The following TAF1A variants were observed in gnomAD, a reference collection of about 807,000 sequenced individuals.
The protein encoded by TAF1A is TATA-box binding protein associated factor, RNA polymerase I subunit A.
Under a neutral mutation model 61.6 loss-of-function variants are expected in TAF1A, and 42 were observed. That is an observed-to-expected ratio of 0.68 (90% CI 0.53 to 0.88). The LOEUF (loss-of-function observed/expected upper bound fraction) is 0.88, where lower values mean the gene tolerates loss of function less well. TAF1A is among the 40% of genes least tolerant of loss of function. The pLI is 0.00. For missense variants in TAF1A, 424 were observed against 518.7 expected (o/e 0.82, Z 1.77); for synonymous variants, 179 against 177.7 (o/e 1.01, Z -0.06).
intron 8 of TAF1A, 35 bp from the exon 9 acceptor site, chr1:222,563,331 G>A: frequency 6.3e-7 from 1 of 1,598,826 alleles, no homozygotes; most frequent in Non-Finnish European, 8.5e-7. Context: ...TTTACATAAG[G>A]TATTAAAGTG....
At chr1:222,586,115 C>T (rs1379907553) in intron 2 of TAF1A, among the ~76,000 whole-genome samples, 3 of 152,114 alleles carry the variant, frequency 2.0e-5, no homozygotes, top group Non-Finnish European at 2.9e-5. Context: ...GGGGACCTGC[C>T]CTTGCTACTC....
chr1:222,577,005 G>C (rs1660597847), intron 5 of TAF1A, among the ~76,000 whole-genome samples: 1 of 152,138 alleles, frequency 6.6e-6, no homozygotes, highest in Non-Finnish European at 1.5e-5. Flanking sequence ...AGCCCCTCTT[G>C]AAATGTTTGC....
At chr1:222,557,361 C>T (rs1231049188), downstream of TAF1A, among the ~76,000 whole-genome samples, 1 of 152,138 alleles carries the variant, frequency 6.6e-6, no homozygotes, top group Admixed American at 6.5e-5. Flanking sequence ...TACTGTGTGA[C>T]TCAGGGACAC....
At chr1:222,578,836 T>C (rs1660675213) in intron 4 of TAF1A, among the ~76,000 whole-genome samples, 1 of 152,220 alleles carries the variant, frequency 6.6e-6, no homozygotes, top group Non-Finnish European at 1.5e-5. Flanking sequence ...TAAGTGTTTT[T>C]AAAATTATTA....
At chr1:222,570,485 T>C (rs373757839) in intron 6 of TAF1A, 50 bp downstream of exon 6, 53 of 1,535,114 alleles carry the variant, frequency 3.5e-5, no homozygotes, top group Middle Eastern at 1.8e-4. Flanking sequence ...AGTCTTTGTA[T>C]AGGCTTTTGA....
intron 2 of TAF1A, among the ~76,000 whole-genome samples, 164 bp from the exon 3 acceptor site, chr1:222,584,461 C>A (rs1660931348): frequency 6.6e-6 from 1 of 152,196 alleles, no homozygotes. Context: ...AACCCTTCTA[C>A]ATTATATTAA....
downstream of TAF1A, among the ~76,000 whole-genome samples, chr1:222,554,820 T>A (rs1659708618): frequency 6.6e-6 from 1 of 152,164 alleles, no homozygotes; most frequent in African/African-American, 2.4e-5. Flanking sequence ...AACATTCTTT[T>A]ATTTCTTTTT....
intron 3 of TAF1A, among the ~76,000 whole-genome samples, chr1:222,581,400 A>T (rs1660784324): frequency 6.6e-6 from 1 of 152,096 alleles, no homozygotes; most frequent in African/African-American, 2.4e-5. Flanking sequence ...TAACTAATTG[A>T]TGCAATGGTG....
intron 10 of TAF1A, among the ~76,000 whole-genome samples, chr1:222,560,377 A>C (rs540118455): frequency 3.3e-5 from 5 of 152,340 alleles, no homozygotes; most frequent in Admixed American, 3.3e-4. Context: ...ACTTACAACA[A>C]TAAGATGGGT....
rs1199916483 is a variant in TAF1A, at chr1:222,584,326, T to A, written c.122-29A>T. 3 of 1,560,056 alleles carry A rather than the reference T, an allele frequency of 1.9e-6. No homozygotes were observed. The African/African-American group carries it at 4.2e-5, about 22-fold the overall frequency. On this transcript the variant is annotated intron_variant, in intron 2 of 10. Coordinates refer to ENST00000352967, the MANE Select transcript of TAF1A (RefSeq NM_005681.4). Reference sequence around the variant, plus strand: ...TAAAAACGAAAAAGAAGAGAGTTTTTATCCAAGTGGCTCCAGTTCAACTAT... The same window carrying A: ...TAAAAACGAAAAAGAAGAGAGTTTTAATCCAAGTGGCTCCAGTTCAACTAT...
intron 1 of TAF1A, among the ~76,000 whole-genome samples, chr1:222,589,377 T>C (rs1661160065): frequency 6.6e-6 from 1 of 152,204 alleles, no homozygotes; most frequent in Non-Finnish European, 1.5e-5. Context: ...TCTAAACAAT[T>C]ACCCTGGCTC....
chr1:222,563,123 G>A, intron 9 of TAF1A, 50 bp downstream of exon 9: 1 of 1,468,052 alleles, frequency 6.8e-7, no homozygotes, highest in Non-Finnish European at 9.3e-7. Flanking sequence ...CTAAAATATT[G>A]GGAAATATTA....
downstream of TAF1A, among the ~76,000 whole-genome samples, chr1:222,556,779 G>C (rs1035759321): frequency 6.6e-6 from 1 of 152,184 alleles, no homozygotes; most frequent in Non-Finnish European, 1.5e-5. Context: ...TTTTCTTAGA[G>C]ATCAAGAGAA....
downstream of TAF1A, among the ~76,000 whole-genome samples, chr1:222,555,143 G>A (rs1201736004): frequency 6.6e-6 from 1 of 152,190 alleles, no homozygotes; most frequent in Non-Finnish European, 1.5e-5. Context: ...AAAGATAAGT[G>A]CTAGGGAGGA....
At chr1:222,580,691 T>G (rs893650475) in intron 3 of TAF1A, among the ~76,000 whole-genome samples, 7 of 151,260 alleles carry the variant, frequency 4.6e-5, no homozygotes, top group East Asian at 1.9e-4. Flanking sequence ...CACACTGTAG[T>G]ATTTGGGAGC....
chr1:222,561,352 T>C lies in TAF1A; in HGVS notation c.1240+12A>G. On this transcript the variant is annotated intron_variant, in intron 10 of 10. Transcript: ENST00000352967. ...AAGCTGTGTCTAGATAAAACGAAAA[T>C]AAAAACTGTACCTTTTCCTAACAGT... is the stretch of plus-strand genomic sequence containing the variant. 5 of 1,589,740 alleles carry C rather than the reference T, an allele frequency of 3.1e-6. No homozygotes were observed. The highest frequency in any genetic ancestry group is 4.3e-6 in the Non-Finnish European group (5 of 1,171,880).
chr1:222,574,567 A>T (rs1253865581), intron 5 of TAF1A, among the ~76,000 whole-genome samples: 4 of 152,234 alleles, frequency 2.6e-5, no homozygotes, highest in African/African-American at 4.8e-5. Flanking sequence ...AATTATTTAT[A>T]ATAGCCCAAA....
At chr1:222,570,801 G>A (rs1456167774) in intron 5 of TAF1A, 136 bp from the exon 6 acceptor site, 7 of 768,332 alleles carry the variant, frequency 9.1e-6, no homozygotes, top group South Asian at 5.4e-5. Context: ...AATATTTAAA[G>A]GAAAATACTA....
downstream of TAF1A, among the ~76,000 whole-genome samples, chr1:222,557,542 CCA>C (rs1235728899): frequency 1.3e-5 from 2 of 152,174 alleles, no homozygotes; most frequent in Non-Finnish European, 2.9e-5. Context: ...CCTCCGCTTC[CCA>C]GTTTCAAGCG....
Sources: allele counts gnomAD v4.1 joint callset (sites outside exome capture counted in the v4.1 genomes callset), GRCh38; gene constraint gnomAD v4.1.1; transcripts MANE v1.5; gene names NCBI Gene and HGNC (gene_info 2026-07-23, HGNC 2026-07-21).